MNAT1: variants seen among roughly 807,000 people sequenced by gnomAD.
MNAT1 encodes CDK-activating kinase assembly factor MAT1.
A neutral mutation model predicts 42.0 loss-of-function variants in MNAT1; 43 were observed. That is an observed-to-expected ratio of 1.02 (90% CI 0.80 to 1.32). The LOEUF is 1.32. MNAT1 is among the 40% of genes most tolerant of loss of function. The pLI, the probability that MNAT1 is intolerant of heterozygous loss-of-function variation, is 0.00. For synonymous variants in MNAT1, 118 were observed against 120.0 expected (o/e 0.98, Z 0.11); for missense variants, 306 against 350.4 (o/e 0.87, Z 1.01).
intron 1 of MNAT1, among the ~76,000 whole-genome samples, chr14:60,773,121 A>G (rs768634342): frequency 1.5e-4 from 23 of 152,120 alleles, no homozygotes; most frequent in African/African-American, 5.3e-4. Flanking sequence ...TATTTTTAGT[A>G]GAGATGGGGG....
chr14:60,858,482 A>G (rs1416704325), intron 6 of MNAT1, among the ~76,000 whole-genome samples: 1 of 151,632 alleles, frequency 6.6e-6, no homozygotes, highest in African/African-American at 2.4e-5. Flanking sequence ...GCCCTTTGTC[A>G]GATGGATAGA....
intron 6 of MNAT1, among the ~76,000 whole-genome samples, chr14:60,854,069 G>A (rs1014048761): frequency 5.3e-5 from 8 of 151,916 alleles, no homozygotes; most frequent in African/African-American, 1.9e-4. Context: ...CTCTGATACC[G>A]TTTCTTCCAC....
chr14:60,879,647 G>A (rs2034505086), intron 6 of MNAT1, 67 bp from the exon 7 acceptor site: 1 of 1,441,120 alleles, frequency 6.9e-7, no homozygotes, highest in African/African-American at 1.4e-5. Flanking sequence ...TCTTTAAAAT[G>A]ATTATAAATA....
At chr14:60,805,407 A>G (rs1395049290) in intron 3 of MNAT1, among the ~76,000 whole-genome samples, 1 of 152,200 alleles carries the variant, frequency 6.6e-6, no homozygotes, top group Non-Finnish European at 1.5e-5. Context: ...ACATTGAGAT[A>G]TCATTATCAC....
At chr14:60,801,993 A>G (rs2032217246) in intron 3 of MNAT1, among the ~76,000 whole-genome samples, 1 of 152,226 alleles carries the variant, frequency 6.6e-6, no homozygotes, top group Non-Finnish European at 1.5e-5. Flanking sequence ...AACCTGGAGG[A>G]CATTATGCTA....
intron 7 of MNAT1, among the ~76,000 whole-genome samples, chr14:60,937,419 G>A (rs1196147861): frequency 6.6e-6 from 1 of 152,120 alleles, no homozygotes; most frequent in Non-Finnish European, 1.5e-5. Flanking sequence ...TGTAAGGAAG[G>A]GATCCAGTTT....
At chr14:60,767,236 A>C (rs1463269670) in intron 1 of MNAT1, among the ~76,000 whole-genome samples, 1 of 152,174 alleles carries the variant, frequency 6.6e-6, no homozygotes, top group East Asian at 1.9e-4. Context: ...ATGTACAAGA[A>C]ACCCTTGTGC....
chr14:60,865,096 A>C (rs1043953804), intron 6 of MNAT1, among the ~76,000 whole-genome samples: 4 of 152,062 alleles, frequency 2.6e-5, no homozygotes, highest in Non-Finnish European at 4.4e-5. Flanking sequence ...CAACTACTGT[A>C]CTAGGCACAG....
chr14:60,931,790 TG>T (rs1183345690), intron 7 of MNAT1, among the ~76,000 whole-genome samples: 4 of 152,186 alleles, frequency 2.6e-5, no homozygotes, highest in African/African-American at 7.2e-5. Flanking sequence ...CTATAACCTT[TG>T]ACACTCTGAA....
chr14:60,915,385 T>C (rs751075788), intron 7 of MNAT1, among the ~76,000 whole-genome samples: 26 of 152,224 alleles, frequency 1.7e-4, no homozygotes, highest in Non-Finnish European at 3.2e-4. Context: ...ATGGTGAATA[T>C]GAAAATCTTA....
intron 6 of MNAT1, among the ~76,000 whole-genome samples, chr14:60,848,887 A>G (rs1328717664): frequency 6.6e-6 from 1 of 152,212 alleles, no homozygotes; most frequent in Non-Finnish European, 1.5e-5. Context: ...TGAGACATGT[A>G]TTAGTCTCTT....
chr14:60,912,862 A>T (rs1438225444), intron 7 of MNAT1, among the ~76,000 whole-genome samples: 1 of 152,160 alleles, frequency 6.6e-6, no homozygotes, highest in African/African-American at 2.4e-5. Context: ...CCTGAATTTG[A>T]ATGTTGGCCT....
intron 1 of MNAT1, among the ~76,000 whole-genome samples, chr14:60,737,277 A>T (rs975732205): frequency 2.0e-5 from 3 of 152,094 alleles, no homozygotes; most frequent in African/African-American, 7.2e-5. Flanking sequence ...GACAACTTTT[A>T]GGTTGTTTGT....
rs141915439 is a variant in MNAT1, at chr14:60,808,670, A to G, written c.420+242A>G. On this transcript the variant is annotated intron_variant, in intron 4 of 7. Coordinates refer to ENST00000261245, the MANE Select transcript of MNAT1 (RefSeq NM_002431.4). ...TTTCTTAAGGAAGTGGATCCGTAAGATAGGTGATTGTTAACGCTAGTTTTA... is the reference window on the plus strand; with the variant it reads ...TTTCTTAAGGAAGTGGATCCGTAAGGTAGGTGATTGTTAACGCTAGTTTTA... 2.3e-3 allele frequency: 549 copies of G among 235,232 alleles called. 3 individuals are homozygous for G. Among genetic ancestry groups the G allele is most frequent in the African/African-American group, 0.012 (531 of 44,040 alleles). The allele number at this position is 235,232 out of a possible 1,614,324, so 14.6% of individuals were successfully genotyped here.
intron 6 of MNAT1, among the ~76,000 whole-genome samples, chr14:60,867,049 T>A (rs915740566): frequency 8.5e-5 from 13 of 152,080 alleles, no homozygotes; most frequent in Non-Finnish European, 1.9e-4. Flanking sequence ...AGTAAACAGA[T>A]TTTGATGAGT....
intron 7 of MNAT1, among the ~76,000 whole-genome samples, chr14:60,886,848 G>C (rs2034686756): frequency 6.6e-6 from 1 of 151,930 alleles, no homozygotes; most frequent in South Asian, 2.1e-4. Context: ...TTTCCTATTT[G>C]GATGTATTTT....
intron 1 of MNAT1, among the ~76,000 whole-genome samples, chr14:60,795,570 A>G (rs1177588893): frequency 6.6e-6 from 1 of 152,202 alleles, no homozygotes; most frequent in Non-Finnish European, 1.5e-5. Flanking sequence ...TGGGGCAACG[A>G]ACTTTAACCG....
At chr14:60,749,154 A>G (rs997100238) in intron 1 of MNAT1, among the ~76,000 whole-genome samples, 3 of 152,160 alleles carry the variant, frequency 2.0e-5, no homozygotes, top group East Asian at 1.9e-4. Flanking sequence ...GAGGAAATCT[A>G]TCCAGATTTG....
chr14:60,830,332 GT>G (rs1234177606), intron 6 of MNAT1, among the ~76,000 whole-genome samples: 1 of 152,120 alleles, frequency 6.6e-6, no homozygotes, highest in Non-Finnish European at 1.5e-5. Context: ...TTCCTAGAAG[GT>G]TATATGAAAT....
Sources: gnomAD v4.1 joint callset for allele counts (sites outside exome capture counted in the v4.1 genomes callset) on GRCh38, gnomAD v4.1.1 for gene constraint, MANE v1.5 for transcripts, NCBI Gene and HGNC (gene_info 2026-07-23, HGNC 2026-07-21) for gene names.